The following IDE variants were observed in gnomAD, a reference collection of about 807,000 sequenced individuals.
The protein encoded by IDE is insulin degrading enzyme.
IDE carries 58 observed loss-of-function variants against 133.2 expected under a neutral mutation model. The observed-to-expected ratio is 0.44, with a 90% CI of 0.35 to 0.54. The LOEUF (loss-of-function observed/expected upper bound fraction) is 0.54, where lower values mean the gene tolerates loss of function less well. Among genes scored for constraint, IDE ranks in the 20% least tolerant of loss-of-function variants. IDE has a pLI of 0.00. For synonymous variants in IDE, 396 were observed against 421.3 expected, an observed-to-expected ratio of 0.94 and a Z score of 0.73; for missense variants, 981 against 1,234.0, an observed-to-expected ratio of 0.79 and a Z score of 3.07.
At chr10:92,468,323 G>T (rs896674185) in intron 19 of IDE, among the ~76,000 whole-genome samples, 6 of 152,124 alleles carry the variant, frequency 3.9e-5, no homozygotes, top group Non-Finnish European at 8.8e-5. Flanking sequence ...ACACAGTTTT[G>T]AGCAATATTG....
chr10:92,544,097 A>T (rs1384223321), intron 1 of IDE, among the ~76,000 whole-genome samples: 1 of 152,064 alleles, frequency 6.6e-6, no homozygotes, highest in Non-Finnish European at 1.5e-5. Flanking sequence ...GCCAAGCATG[A>T]TGGCGCATGC....
intron 1 of IDE, among the ~76,000 whole-genome samples, chr10:92,573,532 G>A (rs192431923): frequency 2.1e-4 from 32 of 152,268 alleles, no homozygotes; most frequent in African/African-American, 7.2e-4. Context: ...CCCACGGCTC[G>A]AGTCCGCCTC....
intron 1 of IDE, among the ~76,000 whole-genome samples, chr10:92,556,603 C>T (rs540373088): frequency 6.6e-6 from 1 of 152,056 alleles, no homozygotes; most frequent in Admixed American, 6.6e-5. Context: ...ACTAAAACTA[C>T]AAAAATTAGC....
At chr10:92,464,616 T>G (rs1231236489) in intron 20 of IDE, among the ~76,000 whole-genome samples, 1 of 152,194 alleles carries the variant, frequency 6.6e-6, no homozygotes, top group African/African-American at 2.4e-5. Context: ...CTCCAACAGC[T>G]GTGGTGCCTC....
intron 1 of IDE, among the ~76,000 whole-genome samples, chr10:92,558,063 T>G (rs1843099498): frequency 6.0e-5 from 9 of 150,988 alleles, no homozygotes; most frequent in Admixed American, 3.9e-4. Flanking sequence ...AATACAACCT[T>G]TTTTTTGAGA....
At chr10:92,460,839 ATAGGTGTT>A (rs1471635783) in intron 22 of IDE, among the ~76,000 whole-genome samples, 1 of 152,124 alleles carries the variant, frequency 6.6e-6, no homozygotes, top group East Asian at 1.9e-4. Flanking sequence ...AGCACATACA[ATAGGTGTT>A]TTGGTTTTTT....
chr10:92,469,813 G>A (rs1469314189), intron 18 of IDE, among the ~76,000 whole-genome samples: 1 of 152,078 alleles, frequency 6.6e-6, no homozygotes, highest in African/African-American at 2.4e-5. Flanking sequence ...TACCACACAT[G>A]ACGTAGGTGC....
intron 1 of IDE, among the ~76,000 whole-genome samples, chr10:92,570,014 G>A (rs1386654451): frequency 1.3e-5 from 2 of 152,106 alleles, no homozygotes; most frequent in Non-Finnish European, 2.9e-5. Flanking sequence ...GGAGGCTGAG[G>A]CAGAAGAATC....
At chr10:92,478,143 T>C (rs1242030029) in intron 15 of IDE, among the ~76,000 whole-genome samples, 2 of 152,198 alleles carry the variant, frequency 1.3e-5, no homozygotes, top group African/African-American at 2.4e-5. Context: ...TCTAGTTATT[T>C]CTTAGATGGA....
intron 11 of IDE, among the ~76,000 whole-genome samples, chr10:92,495,433 C>T (rs1847628212): frequency 6.6e-6 from 1 of 152,088 alleles, no homozygotes; most frequent in South Asian, 2.1e-4. Context: ...GTTGGCCAGG[C>T]TGGTCTCAAA....
At chr10:92,559,927 G>A (rs996220451) in intron 1 of IDE, among the ~76,000 whole-genome samples, 3 of 151,826 alleles carry the variant, frequency 2.0e-5, no homozygotes, top group Non-Finnish European at 2.9e-5. Flanking sequence ...TGTAGAGATA[G>A]GGTCCCACTA....
At chr10:92,557,203 T>C (rs1038268498) in intron 1 of IDE, among the ~76,000 whole-genome samples, 3 of 152,098 alleles carry the variant, frequency 2.0e-5, no homozygotes, top group Admixed American at 6.6e-5. Context: ...TTCAAAACAA[T>C]TGTAAGCAAA....
Position 92,574,026 on chromosome 10 carries a change from G to A in IDE, c.-7C>T, listed in dbSNP as rs1195239153. Reference sequence around the variant, plus strand: ...ACGCTAGCCGGTACCGCATTAGCCAGCGCAGTCGCCGGGATCACCGCAAAC... The same window carrying A: ...ACGCTAGCCGGTACCGCATTAGCCAACGCAGTCGCCGGGATCACCGCAAAC... On this transcript the variant is annotated 5_prime_UTR_variant, in exon 1 of 25. Transcript: ENST00000265986. 6.6e-6 allele frequency: 10 copies of A among 1,509,462 alleles called. No homozygotes were observed. The highest frequency in any genetic ancestry group is 8.8e-6 in the Non-Finnish European group (10 of 1,131,330). 93.5% of individuals were successfully genotyped at this position (1,509,462 alleles called of 1,614,324 possible).
intron 14 of IDE, among the ~76,000 whole-genome samples, chr10:92,481,583 C>A (rs1846612123): frequency 6.6e-6 from 1 of 152,178 alleles, no homozygotes; most frequent in African/African-American, 2.4e-5. Context: ...TATTTTGTAA[C>A]CAGATACTAT....
chr10:92,515,133 C>T (rs1848834747), intron 4 of IDE, 91 bp from the exon 5 acceptor site: 1 of 1,026,118 alleles, frequency 9.7e-7, no homozygotes, highest in Admixed American at 2.3e-5. Flanking sequence ...TTAAGATGAA[C>T]TTTAAAAATA....
At chr10:92,486,883 T>A (rs748121063) in intron 13 of IDE, among the ~76,000 whole-genome samples, 1 of 152,198 alleles carries the variant, frequency 6.6e-6, no homozygotes, top group South Asian at 2.1e-4. Flanking sequence ...TACTTCCTTA[T>A]TGGGTCTTCA....
At chr10:92,541,814 T>C (rs991323312) in intron 1 of IDE, among the ~76,000 whole-genome samples, 1 of 152,184 alleles carries the variant, frequency 6.6e-6, no homozygotes, top group African/African-American at 2.4e-5. Context: ...CCTGGGAGCT[T>C]GTTAAAAATG....
chr10:92,457,858 G>A (rs1489016081), intron 22 of IDE, among the ~76,000 whole-genome samples: 1 of 152,100 alleles, frequency 6.6e-6, no homozygotes, highest in African/African-American at 2.4e-5. Flanking sequence ...CCTGCCAGCA[G>A]GCAAAACAGC....
chr10:92,479,634 CGTGCGTGT>C (rs1217606387), intron 14 of IDE: 2 of 460,538 alleles, frequency 4.3e-6, no homozygotes, highest in Non-Finnish European at 7.9e-6. Context: ...TGTGTGCATG[CGTGCGTGT>C]GTGCGTGCGC....
Sources: allele counts gnomAD v4.1 joint callset (sites outside exome capture counted in the v4.1 genomes callset), GRCh38; gene constraint gnomAD v4.1.1; transcripts MANE v1.5; gene names NCBI Gene and HGNC (gene_info 2026-07-23, HGNC 2026-07-21).